The following RFX3 variants were observed in gnomAD, a reference collection of about 807,000 sequenced individuals.
The protein encoded by RFX3 is regulatory factor X3.
A neutral mutation model predicts 98.6 loss-of-function variants in RFX3; 14 were observed. The observed-to-expected ratio is 0.14, with a 90% CI of 0.09 to 0.22. RFX3 has a LOEUF of 0.22. RFX3 is among the 10% of genes least tolerant of loss of function. The probability of loss-of-function intolerance (pLI) is 1.00; values close to 1 mark genes in which losing one functional copy is unlikely to be tolerated. For synonymous variants in RFX3, 383 were observed against 328.4 expected, an observed-to-expected ratio of 1.17 and a Z score of -1.80; for missense variants, 639 against 926.9, an observed-to-expected ratio of 0.69 and a Z score of 4.03.
At position 3,420,831 on chromosome 9, in the gene RFX3, C is replaced by A. The variant is rs976497874; in HGVS notation, c.-8-25235G>T. The A allele has an allele frequency of 3.0e-6, 3 of 985,166 alleles. No individual in the cohort carries two copies. The African/African-American group carries it at 5.2e-5, about 17-fold the overall frequency. 61.0% of individuals were successfully genotyped at this position (985,166 alleles called of 1,614,324 possible). ...CTTTTCTTCAGATGATCCAAGATGT[C>A]AGAAAGCATTCTGTCCATTTAAATC... On this transcript the variant is annotated intron_variant, in intron 1 of 16. Transcript: ENST00000617270.
intron 2 of RFX3, chr9:3,364,388 CT>C: frequency 4.6e-6 from 1 of 217,326 alleles, no homozygotes; most frequent in Admixed American, 5.6e-5. Context: ...GCATCTCTAC[CT>C]TTTACAAAAT....
rs1397477015 is a variant in RFX3, at chr9:3,225,238, T to C, written c.2054A>G (p.Asp685Gly). Residue 685 changes from aspartate to glycine, a missense_variant, in exon 17 of 17, where the codon GAT becomes GGT. Asp to Gly is a moderately conservative substitution (Grantham distance 94). Transcript: ENST00000617270. ...EVESEMDEELDDSSEPQAKRE... is the reference protein window; with the variant it reads ...EVESEMDEELGDSSEPQAKRE... ...TTTGGCTTGAGGCTCTGAAGAGTCA[T>C]CCAGTTCTTCATCCATTTCACTTTC... The C allele has an allele frequency of 1.2e-6, 2 of 1,613,862 alleles. No homozygotes were observed. The highest frequency in any genetic ancestry group is 2.2e-5 in the South Asian group (2 of 91,080).
At chr9:3,303,737 G>A (rs1828940421) in intron 4 of RFX3, among the ~76,000 whole-genome samples, 5 of 151,862 alleles carry the variant, frequency 3.3e-5, no homozygotes, top group Admixed American at 3.3e-4. Context: ...TAGAAGGCCA[G>A]GCTTTTAGGA....
intron 3 of RFX3, among the ~76,000 whole-genome samples, chr9:3,345,885 A>G (rs1454497321): frequency 2.0e-5 from 3 of 152,180 alleles, no homozygotes; most frequent in African/African-American, 4.8e-5. Context: ...TAGATGTAGT[A>G]AGAATAAAGA....
intron 1 of RFX3, among the ~76,000 whole-genome samples, chr9:3,510,395 A>T (rs1817557095): frequency 6.6e-6 from 1 of 152,066 alleles, no homozygotes; most frequent in Non-Finnish European, 1.5e-5. Context: ...GTTCTTCCAA[A>T]TTACAGCATT....
At chr9:3,400,833 T>C (rs1000839447) in intron 1 of RFX3, among the ~76,000 whole-genome samples, 1 of 152,206 alleles carries the variant, frequency 6.6e-6, no homozygotes, top group Admixed American at 6.6e-5. Flanking sequence ...GTTATCCCCA[T>C]TTAACAAATA....
intron 1 of RFX3, among the ~76,000 whole-genome samples, chr9:3,429,160 C>G (rs1288235749): frequency 1.3e-5 from 2 of 151,080 alleles, no homozygotes; most frequent in African/African-American, 2.4e-5. Flanking sequence ...GTAGCTGGGA[C>G]TACAGGCGCC....
At chr9:3,418,573 T>C (rs1843177454) in intron 1 of RFX3, among the ~76,000 whole-genome samples, 1 of 152,000 alleles carries the variant, frequency 6.6e-6, no homozygotes, top group Non-Finnish European at 1.5e-5. Context: ...AGAGACGGGG[T>C]TTCACCAAGT....
chr9:3,319,843 G>C (rs1831046821), intron 4 of RFX3, among the ~76,000 whole-genome samples: 1 of 138,884 alleles, frequency 7.2e-6, no homozygotes, highest in East Asian at 2.0e-4. Flanking sequence ...GTTTGAGAAA[G>C]TCAGTGACCG....
intron 1 of RFX3, among the ~76,000 whole-genome samples, chr9:3,448,285 T>C (rs1161871711): frequency 2.0e-5 from 3 of 152,114 alleles, no homozygotes; most frequent in Non-Finnish European, 4.4e-5. Context: ...TTAAAAATGA[T>C]CCTTTCCAAA....
intron 13 of RFX3, among the ~76,000 whole-genome samples, chr9:3,262,570 A>C (rs540631622): frequency 6.6e-6 from 1 of 152,208 alleles, no homozygotes; most frequent in Admixed American, 6.5e-5. Context: ...TAAGGTGGGG[A>C]AAGTGAAGCC....
At chr9:3,263,775 C>T (rs548564458) in intron 12 of RFX3, among the ~76,000 whole-genome samples, 1 of 152,288 alleles carries the variant, frequency 6.6e-6, no homozygotes, top group South Asian at 2.1e-4. Context: ...TCCGAATGGA[C>T]CACATTAACC....
intron 4 of RFX3, among the ~76,000 whole-genome samples, chr9:3,322,761 T>C (rs1002349371): frequency 6.6e-6 from 1 of 152,202 alleles, no homozygotes; most frequent in African/African-American, 2.4e-5. Flanking sequence ...ACTGCCACCT[T>C]ACTAAAATGT....
chr9:3,506,787 C>T lies in RFX3; in HGVS notation c.-9+18960G>A, dbSNP rs988037259. On this transcript the variant is annotated intron_variant, in intron 1 of 16. Coordinates refer to ENST00000617270, the MANE Select transcript of RFX3 (RefSeq NM_001282116.2). ...GAAAAAGACCTGGATTAAGGTCAGC[C>T]CAATCCACTGCCAGCTACATGATAC... is the stretch of plus-strand genomic sequence containing the variant. Among the ~76,000 whole-genome samples, 2 of 151,484 alleles carry T rather than the reference C, an allele frequency of 1.3e-5. 1 individual carries two copies. Among genetic ancestry groups the T allele is most frequent in the Non-Finnish European group, 3.0e-5 (2 of 67,778 alleles).
intron 1 of RFX3, among the ~76,000 whole-genome samples, chr9:3,504,906 A>AT (rs1344547670): frequency 0.027 from 647 of 24,258 alleles, 18 homozygotes; most frequent in African/African-American, 0.12. Context: ...TATATTATAT[A>AT]TATATATAAT....
At chr9:3,495,634 T>C (rs950672650) in intron 1 of RFX3, among the ~76,000 whole-genome samples, 2 of 152,074 alleles carry the variant, frequency 1.3e-5, no homozygotes, top group African/African-American at 4.8e-5. Flanking sequence ...ACTATATCTG[T>C]GTAAGTACTG....
intron 3 of RFX3, among the ~76,000 whole-genome samples, chr9:3,345,104 G>A (rs928221229): frequency 6.6e-6 from 1 of 152,150 alleles, no homozygotes; most frequent in Admixed American, 6.5e-5. Flanking sequence ...GTAAAAGTCA[G>A]GGGATAATGT....
At chr9:3,416,461 T>C (rs1169474514) in intron 1 of RFX3, among the ~76,000 whole-genome samples, 2 of 151,878 alleles carry the variant, frequency 1.3e-5, no homozygotes, top group African/African-American at 4.8e-5. Flanking sequence ...AGTGTTCTCA[T>C]CCAGAAAAAG....
At chr9:3,275,770 C>T in intron 8 of RFX3, among the ~76,000 whole-genome samples, 158 bp from the exon 9 acceptor site, 1 of 152,022 alleles carries the variant, frequency 6.6e-6, no homozygotes, top group East Asian at 1.9e-4. Flanking sequence ...ACAAGTAAAA[C>T]TAAGCAACAT....
Sources: allele counts gnomAD v4.1 joint callset (sites outside exome capture counted in the v4.1 genomes callset), GRCh38; gene constraint gnomAD v4.1.1; transcripts MANE v1.5; gene names NCBI Gene and HGNC (gene_info 2026-07-23, HGNC 2026-07-21).